The following AGMO variants were observed in gnomAD, a reference collection of about 807,000 sequenced individuals.
AGMO encodes glyceryl-ether monooxygenase.
A neutral mutation model predicts 60.2 loss-of-function variants in AGMO; 75 were observed. The ratio of observed to expected loss-of-function variants is 1.25; its 90% confidence interval spans 1.03 to 1.51. The LOEUF (loss-of-function observed/expected upper bound fraction) is 1.51, where lower values mean the gene tolerates loss of function less well. AGMO is among the 40% of genes most tolerant of loss of function. The probability of loss-of-function intolerance (pLI) is 0.00; values close to 1 mark genes in which losing one functional copy is unlikely to be tolerated. For missense variants in AGMO, 763 were observed against 525.5 expected (o/e 1.45, Z -4.42); for synonymous variants, 261 against 177.1 (o/e 1.47, Z -3.76).
At chr7:15,465,568 C>G (rs1368203073) in intron 3 of AGMO, among the ~76,000 whole-genome samples, 1 of 148,152 alleles carries the variant, frequency 6.7e-6, no homozygotes, top group Non-Finnish European at 1.5e-5. Flanking sequence ...ACCACAGGCA[C>G]GTGCTACCAC....
At chr7:15,500,730 C>T (rs1441427549) in intron 3 of AGMO, among the ~76,000 whole-genome samples, 2 of 151,858 alleles carry the variant, frequency 1.3e-5, no homozygotes, top group East Asian at 3.9e-4. Context: ...CTTCTGATAG[C>T]TTTGGGGTTT....
Position 15,358,461 on chromosome 7 carries a change from C to A in AGMO, c.1263+7053G>T, listed in dbSNP as rs531675503. ...AGGGTGTTTCCTAAAGGGTGAGATA[C>A]GTACTAATTAATGTTGGTACTCCGT... On this transcript the variant is annotated intron_variant, in intron 12 of 12. Transcript: ENST00000342526. The A allele has an allele frequency of 6.6e-4, 312 of 469,780 alleles. 10 individuals are homozygous for A. Among genetic ancestry groups the A allele is most frequent in the South Asian group, 4.7e-3 (304 of 64,254 alleles). The allele number at this position is 469,780 out of a possible 1,614,324, so 29.1% of individuals were successfully genotyped here. A position where few individuals can be genotyped will look rare whatever the true frequency, so the allele number is the denominator to read the frequency against.
At chr7:15,463,906 A>G (rs1190307045) in intron 3 of AGMO, among the ~76,000 whole-genome samples, 1 of 152,202 alleles carries the variant, frequency 6.6e-6, no homozygotes, top group African/African-American at 2.4e-5. Flanking sequence ...TTTTAGTTCT[A>G]AGTCTGGATA....
At chr7:15,561,152 T>G (rs1785293180) in intron 1 of AGMO, among the ~76,000 whole-genome samples, 1 of 152,146 alleles carries the variant, frequency 6.6e-6, no homozygotes, top group African/African-American at 2.4e-5. Context: ...GTATTCAAGT[T>G]CTAATTCTGG....
At chr7:15,349,856 G>C (rs1176653128) in intron 12 of AGMO, among the ~76,000 whole-genome samples, 6 of 152,044 alleles carry the variant, frequency 3.9e-5, no homozygotes, top group Admixed American at 1.3e-4. Flanking sequence ...GAACAAGATG[G>C]GAGTAACCTC....
the AGMO span, among the ~76,000 whole-genome samples, chr7:15,129,551 G>C: frequency 6.6e-6 from 1 of 152,150 alleles, no homozygotes; most frequent in East Asian, 1.9e-4. Context: ...GTGTTAGAAA[G>C]GTAAAGTCCA....
intron 3 of AGMO, among the ~76,000 whole-genome samples, chr7:15,432,337 T>TATATACATAC (rs1781270833): frequency 3.6e-5 from 5 of 138,366 alleles, no homozygotes; most frequent in Non-Finnish European, 7.8e-5. Flanking sequence ...TGTATATATA[T>TATATACATAC]ATATATATAC....
In AGMO at chr7:15,475,458, G is replaced by A. The variant is rs543209696; in HGVS notation, c.410-44350C>T. Among the ~76,000 whole-genome samples the A allele has an allele frequency of 1.9e-4, 29 of 152,046 alleles. No individual in the cohort carries two copies. The South Asian group carries it at 5.0e-3, about 26-fold the overall frequency. ...ACACAGGAACAGAAAACCAAACACC[G>A]CATGTTCTCACTCACAAGTGGGAGA... On this transcript the variant is annotated intron_variant, in intron 3 of 12. Coordinates refer to ENST00000342526, the MANE Select transcript of AGMO (RefSeq NM_001004320.2).
At chr7:15,426,609 C>T (rs530883833) in intron 4 of AGMO, among the ~76,000 whole-genome samples, 3 of 151,972 alleles carry the variant, frequency 2.0e-5, no homozygotes, top group Admixed American at 6.6e-5. Context: ...ATTAGCTGGG[C>T]GTGGTGGTGC....
At chr7:15,429,824 C>T (rs1177007712) in intron 4 of AGMO, among the ~76,000 whole-genome samples, 1 of 151,976 alleles carries the variant, frequency 6.6e-6, no homozygotes, top group Non-Finnish European at 1.5e-5. Flanking sequence ...CATTTACTAG[C>T]TGTGTAATTA....
chr7:15,547,091 C>G (rs1174602241), intron 2 of AGMO, among the ~76,000 whole-genome samples: 1 of 152,058 alleles, frequency 6.6e-6, no homozygotes, highest in Non-Finnish European at 1.5e-5. Flanking sequence ...ACAATTTGGG[C>G]CAAGTAATTT....
intron 3 of AGMO, among the ~76,000 whole-genome samples, chr7:15,451,316 A>C (rs1781849874): frequency 1.1e-5 from 1 of 90,120 alleles, no homozygotes; most frequent in South Asian, 3.6e-4. Context: ...AGATAAAATG[A>C]TTCCAATCTT....
intron 3 of AGMO, among the ~76,000 whole-genome samples, chr7:15,474,091 G>C (rs1782524782): frequency 6.6e-6 from 1 of 152,142 alleles, no homozygotes. Flanking sequence ...CTCATGGATA[G>C]GAAGAATCAA....
intron 12 of AGMO, among the ~76,000 whole-genome samples, chr7:15,323,469 A>G (rs890287382): frequency 6.6e-6 from 1 of 152,170 alleles, no homozygotes; most frequent in Non-Finnish European, 1.5e-5. Context: ...TACAATAAAT[A>G]TGTCATATGG....
intron 3 of AGMO, among the ~76,000 whole-genome samples, chr7:15,505,066 C>T (rs186820740): frequency 1.4e-4 from 21 of 151,926 alleles, no homozygotes; most frequent in Admixed American, 7.2e-4. Flanking sequence ...TTATGTACAG[C>T]ATTAAACTTG....
intron 2 of AGMO, among the ~76,000 whole-genome samples, chr7:15,552,432 G>C (rs1341212989): frequency 6.6e-6 from 1 of 151,762 alleles, no homozygotes. Flanking sequence ...CTGACAAAGG[G>C]CTAATATCCA....
intron 12 of AGMO, among the ~76,000 whole-genome samples, chr7:15,275,515 A>G (rs1783755815): frequency 6.6e-6 from 1 of 152,146 alleles, no homozygotes; most frequent in African/African-American, 2.4e-5. Flanking sequence ...AAAAATGTAT[A>G]TTCTGTAGTT....
At chr7:15,300,563 G>T (rs1018533397) in intron 12 of AGMO, among the ~76,000 whole-genome samples, 2 of 152,012 alleles carry the variant, frequency 1.3e-5, no homozygotes, top group African/African-American at 4.8e-5. Context: ...AAGAGTGAAA[G>T]CACAGAAATA....
At chr7:15,233,833 C>T (rs371618936) in intron 12 of AGMO, among the ~76,000 whole-genome samples, 14 of 152,104 alleles carry the variant, frequency 9.2e-5, no homozygotes, top group Admixed American at 2.6e-4. Flanking sequence ...GCGTGGATCA[C>T]GAGGTCAGTT....
Sources: gnomAD v4.1 joint callset for allele counts (sites outside exome capture counted in the v4.1 genomes callset) on GRCh38, gnomAD v4.1.1 for gene constraint, MANE v1.5 for transcripts, NCBI Gene and HGNC (gene_info 2026-07-23, HGNC 2026-07-21) for gene names.